The following PAK5 variants were observed in gnomAD, a reference collection of about 807,000 sequenced individuals.
PAK5 encodes serine/threonine-protein kinase PAK 5.
In PAK5, 16 loss-of-function variants were observed where a neutral mutation model predicts 65.9. The ratio of observed to expected loss-of-function variants is 0.24; its 90% CI spans 0.16 to 0.37. PAK5 has a LOEUF of 0.37. Among genes scored for constraint, PAK5 ranks in the 10% least tolerant of loss-of-function variants. The pLI is 1.00. For missense variants in PAK5, 785 were observed against 903.9 expected, an observed-to-expected ratio of 0.87 and a Z score of 1.69; for synonymous variants, 371 against 354.9, an observed-to-expected ratio of 1.05 and a Z score of -0.51.
intron 9 of PAK5, among the ~76,000 whole-genome samples, chr20:9,540,595 A>G (rs180834254): frequency 1.6e-4 from 24 of 152,344 alleles, no homozygotes; most frequent in African/African-American, 5.8e-4. Context: ...TATACCACAC[A>G]TTATCCATTT....
intron 3 of PAK5, among the ~76,000 whole-genome samples, chr20:9,608,273 T>G (rs1341958039): frequency 6.6e-6 from 1 of 152,258 alleles, no homozygotes; most frequent in Non-Finnish European, 1.5e-5. Context: ...GTATTTGGAA[T>G]GACAGAATGT....
intron 1 of PAK5, among the ~76,000 whole-genome samples, chr20:9,787,983 TG>T (rs5840335): frequency 6.6e-6 from 1 of 150,600 alleles, no homozygotes; most frequent in Non-Finnish European, 1.5e-5. Context: ...CTGTGTGTGT[TG>T]GGGGGGGTAT....
chr20:9,543,264 A>T (rs2045295007), intron 8 of PAK5, among the ~76,000 whole-genome samples: 1 of 152,158 alleles, frequency 6.6e-6, no homozygotes, highest in African/African-American at 2.4e-5. Flanking sequence ...ACAAAACCTC[A>T]CTTTACAAAA....
chr20:9,631,173 G>A (rs2046916325), intron 3 of PAK5, among the ~76,000 whole-genome samples: 1 of 152,064 alleles, frequency 6.6e-6, no homozygotes, highest in African/African-American at 2.4e-5. Context: ...CAGACCCTAG[G>A]GTGACCCCTC....
intron 1 of PAK5, among the ~76,000 whole-genome samples, chr20:9,810,932 G>A (rs1489746025): frequency 1.3e-5 from 2 of 152,070 alleles, no homozygotes; most frequent in Non-Finnish European, 2.9e-5. Flanking sequence ...AGATATTCAA[G>A]AAGTAACTAT....
In PAK5 at chr20:9,538,679, T is replaced by C. The variant is rs148392553; in HGVS notation, c.*783A>G. On this transcript the variant is annotated 3_prime_UTR_variant, in exon 10 of 10. Coordinates refer to ENST00000353224, the MANE Select transcript of PAK5 (RefSeq NM_177990.4). ...TGGAAAATGTGATCTTTAAAAATATTTAACTTTATCCCAAGGAGTGGTATA... is the reference window on the plus strand; with the variant it reads ...TGGAAAATGTGATCTTTAAAAATATCTAACTTTATCCCAAGGAGTGGTATA... The C allele has an allele frequency of 5.5e-3, 1,293 of 233,414 alleles. 12 individuals are homozygous for C. Among genetic ancestry groups the C allele is most frequent in the African/African-American group, 0.026 (1,181 of 45,452 alleles). The allele number at this position is 233,414 out of a possible 1,614,324, so 14.5% of individuals were successfully genotyped here.
intron 3 of PAK5, among the ~76,000 whole-genome samples, chr20:9,631,685 T>C (rs986683167): frequency 6.6e-6 from 1 of 152,174 alleles, no homozygotes. Flanking sequence ...TTTGAAGCCA[T>C]TAACTTAGTG....
Position 9,838,302 on chromosome 20 carries a change from A to G in PAK5, c.-162+460T>C, listed in dbSNP as rs1171315931. 1.3e-5 allele frequency among the ~76,000 whole-genome samples: 2 copies of G among 152,120 alleles called. No individual in the cohort carries two copies. Among genetic ancestry groups the G allele is most frequent in the Non-Finnish European group, 2.9e-5 (2 of 68,002 alleles). On this transcript the variant is annotated intron_variant, in intron 1 of 9. Transcript: ENST00000353224. The surrounding 1 kb of genome is among the most constrained non-coding windows in gnomAD (Gnocchi z 4.5). ...CCACACCTGCCAAAAGACAAAAACC[A>G]TGCGGGAATCCTGCTCTGGCAATAT... is the stretch of plus-strand genomic sequence containing the variant.
intron 1 of PAK5, among the ~76,000 whole-genome samples, chr20:9,732,534 C>A (rs975274016): frequency 1.1e-4 from 16 of 152,294 alleles, no homozygotes; most frequent in South Asian, 2.1e-4. Flanking sequence ...TTTAAATTAG[C>A]ATAATTATTA....
intron 3 of PAK5, among the ~76,000 whole-genome samples, chr20:9,637,539 C>A (rs1157330088): frequency 6.6e-6 from 1 of 151,956 alleles, no homozygotes; most frequent in Non-Finnish European, 1.5e-5. Flanking sequence ...GACATGAACA[C>A]AGATGTCCAT....
At chr20:9,822,065 G>C (rs2049427915) in intron 1 of PAK5, among the ~76,000 whole-genome samples, 4 of 152,168 alleles carry the variant, frequency 2.6e-5, no homozygotes, top group Admixed American at 2.6e-4. Context: ...GAGGCAGGCA[G>C]ATTGCCTGAG....
At position 9,787,093 on chromosome 20, in the gene PAK5, C is replaced by G. The variant is rs374603405; in HGVS notation, c.-162+51669G>C. On this transcript the variant is annotated intron_variant, in intron 1 of 9. Transcript: ENST00000353224. ...TAGTAAGGCAACAGTGATGGTTTAG[C>G]TTTAGTAACAATAATTTAACTAAAG... is the stretch of plus-strand genomic sequence containing the variant. Among the ~76,000 whole-genome samples the G allele has an allele frequency of 3.1e-3, 479 of 152,274 alleles. 2 individuals are homozygous for G. Among genetic ancestry groups the G allele is most frequent in the African/African-American group, 0.011 (457 of 41,578 alleles).
intron 1 of PAK5, among the ~76,000 whole-genome samples, chr20:9,743,231 A>T (rs751771338): frequency 1.3e-5 from 2 of 152,034 alleles, no homozygotes; most frequent in Non-Finnish European, 2.9e-5. Context: ...TTAGCCAGGC[A>T]TGGTCTTGAA....
chr20:9,559,933 G>C (rs959201817), intron 6 of PAK5, among the ~76,000 whole-genome samples: 19 of 152,168 alleles, frequency 1.2e-4, no homozygotes, highest in African/African-American at 4.1e-4. Flanking sequence ...TTCACATGTG[G>C]AAAAACACAT....
chr20:9,782,951 C>T (rs1295469936), intron 1 of PAK5, among the ~76,000 whole-genome samples: 2 of 141,144 alleles, frequency 1.4e-5, no homozygotes, highest in South Asian at 2.2e-4. Context: ...TTTTTTAAGA[C>T]GGAGTTTCGC....
At chr20:9,778,517 T>A (rs1380850320) in intron 1 of PAK5, among the ~76,000 whole-genome samples, 4 of 152,184 alleles carry the variant, frequency 2.6e-5, no homozygotes, top group African/African-American at 9.7e-5. Context: ...GGATTACAGG[T>A]GTGAGTCACC....
chr20:9,690,293 C>T (rs2047775068), intron 2 of PAK5, among the ~76,000 whole-genome samples: 1 of 152,142 alleles, frequency 6.6e-6, no homozygotes, highest in Admixed American at 6.5e-5. Context: ...ATATGGACTG[C>T]TAATTCCCAG....
At chr20:9,623,304 G>A (rs1448135579) in intron 3 of PAK5, among the ~76,000 whole-genome samples, 2 of 152,084 alleles carry the variant, frequency 1.3e-5, no homozygotes, top group Non-Finnish European at 2.9e-5. Flanking sequence ...AGCACAGAAA[G>A]TGGAGAATCC....
At chr20:9,689,597 G>A (rs967445631) in intron 2 of PAK5, among the ~76,000 whole-genome samples, 7 of 152,148 alleles carry the variant, frequency 4.6e-5, no homozygotes, top group African/African-American at 1.2e-4. Flanking sequence ...CAATGAAACC[G>A]CTGATAAGCA....
Sources: gnomAD v4.1 joint callset for allele counts (sites outside exome capture counted in the v4.1 genomes callset) on GRCh38, gnomAD v4.1.1 for gene constraint, Gnocchi (gnomAD v3.1) non-coding constraint, MANE v1.5 for transcripts, NCBI Gene and HGNC (gene_info 2026-07-23, HGNC 2026-07-21) for gene names.